The following SLC22A14 variants were observed in gnomAD, a reference collection of about 807,000 sequenced individuals.
SLC22A14 encodes the protein organic cation transporter-like 4.
A neutral mutation model predicts 53.9 loss-of-function variants in SLC22A14; 50 were observed. That is an observed-to-expected ratio of 0.93 (90% CI 0.74 to 1.17). The LOEUF (loss-of-function observed/expected upper bound fraction) is 1.17. Among genes scored for constraint, SLC22A14 ranks in the 50% most tolerant of loss-of-function variants. The pLI is 0.00. For synonymous variants in SLC22A14, 312 were observed against 303.0 expected, an observed-to-expected ratio of 1.03 and a Z score of -0.31; for missense variants, 671 against 734.7, an observed-to-expected ratio of 0.91 and a Z score of 1.00.
At chr3:38,295,335 A>C (rs112104711) in intron 1 of SLC22A14, among the ~76,000 whole-genome samples, 2,686 of 152,320 alleles carry the variant, frequency 0.018, 42 homozygotes, top group African/African-American at 0.06. Context: ...TTGACTTAGA[A>C]TAATTCTGAA....
intron 1 of SLC22A14, among the ~76,000 whole-genome samples, chr3:38,301,441 A>AT (rs1255574525): frequency 6.6e-6 from 1 of 152,190 alleles, no homozygotes; most frequent in East Asian, 1.9e-4. Flanking sequence ...GAGTTTGAAG[A>AT]TTTTTTTCAT....
intron 1 of SLC22A14, among the ~76,000 whole-genome samples, chr3:38,286,555 C>T (rs570581679): frequency 4.0e-5 from 6 of 150,864 alleles, no homozygotes; most frequent in South Asian, 2.1e-4. Context: ...GGATTACAGA[C>T]GTGTGCCACC....
chr3:38,316,830 A>G (rs1438216247), intron 10 of SLC22A14, among the ~76,000 whole-genome samples: 1 of 150,860 alleles, frequency 6.6e-6, no homozygotes, highest in African/African-American at 2.4e-5. Context: ...CTCCAGGGGC[A>G]CTCCTCCCAG....
intron 10 of SLC22A14, among the ~76,000 whole-genome samples, chr3:38,317,607 C>T (rs964747493): frequency 8.5e-5 from 13 of 152,144 alleles, no homozygotes; most frequent in Non-Finnish European, 1.5e-4. Flanking sequence ...GTTCCATGTG[C>T]CGCAACTTCC....
chr3:38,315,438 C>A, intron 8 of SLC22A14, 120 bp from the exon 9 acceptor site: 1 of 1,061,194 alleles, frequency 9.4e-7, no homozygotes, highest in Non-Finnish European at 1.4e-6. Context: ...ACCTGCCACT[C>A]CTCTGACAGA....
intron 2 of SLC22A14, among the ~76,000 whole-genome samples, chr3:38,306,973 G>A (rs1438400580): frequency 6.6e-6 from 1 of 152,274 alleles, no homozygotes; most frequent in East Asian, 1.9e-4. Flanking sequence ...TTTGGGAAAG[G>A]GTCTGCACTG....
intron 1 of SLC22A14, among the ~76,000 whole-genome samples, chr3:38,304,035 C>CA (rs1263171485): frequency 1.3e-5 from 2 of 150,272 alleles, no homozygotes; most frequent in Admixed American, 1.3e-4. Context: ...AAAAAAAATA[C>CA]AAAAAATTAG....
intron 1 of SLC22A14, among the ~76,000 whole-genome samples, chr3:38,290,242 T>G (rs1703882765): frequency 6.6e-6 from 1 of 152,196 alleles, no homozygotes. Flanking sequence ...CTGCTCTAAC[T>G]GCTTCCTGCG....
intron 6 of SLC22A14, 117 bp from the exon 7 acceptor site, chr3:38,313,271 G>A: frequency 2.1e-6 from 3 of 1,416,612 alleles, no homozygotes; most frequent in South Asian, 2.3e-5. Flanking sequence ...ACCCTGCCAG[G>A]GAAGGCCAGA....
chr3:38,306,262 T>G lies in SLC22A14; in HGVS notation c.236T>G (p.Met79Arg), dbSNP rs1704299416. The part of the protein sequence containing the change: ...LVALTFIPSI[M>R]SAFFMFADHF... Reference sequence around the variant, plus strand: ...GCCCTCACCTTTATCCCCAGCATCATGTCGGCCTTCTTCATGTTTGCTGAC... The same window carrying G: ...GCCCTCACCTTTATCCCCAGCATCAGGTCGGCCTTCTTCATGTTTGCTGAC... Residue 79 changes from methionine to arginine, a missense_variant, in exon 2 of 11, where the codon ATG becomes AGG. Transcript: ENST00000448498. The G allele has an allele frequency of 1.2e-6, 2 of 1,614,034 alleles. No homozygotes were observed. Among genetic ancestry groups the G allele is most frequent in the South Asian group, 2.2e-5 (2 of 91,080 alleles).
intron 9 of SLC22A14, 70 bp downstream of exon 9, chr3:38,315,781 G>A: frequency 1.4e-6 from 2 of 1,473,156 alleles, no homozygotes; most frequent in Non-Finnish European, 1.9e-6. Context: ...GATTAATGCA[G>A]CAACTAAGAC....
intron 1 of SLC22A14, among the ~76,000 whole-genome samples, chr3:38,291,642 G>T (rs1250599387): frequency 1.3e-5 from 2 of 152,208 alleles, no homozygotes; most frequent in African/African-American, 2.4e-5. Flanking sequence ...TATGCCACGG[G>T]ATGCAAGCTG....
At chr3:38,301,064 C>T (rs543200456) in intron 1 of SLC22A14, among the ~76,000 whole-genome samples, 2 of 152,082 alleles carry the variant, frequency 1.3e-5, no homozygotes, top group Non-Finnish European at 2.9e-5. Context: ...GGCATTTCTC[C>T]CCCCTCAGCC....
At chr3:38,318,125 A>G in intron 10 of SLC22A14, 73 bp from the exon 11 acceptor site, 2 of 1,415,266 alleles carry the variant, frequency 1.4e-6, no homozygotes, top group Non-Finnish European at 2.0e-6. Context: ...GCGCTGCTGA[A>G]GGCACAAGCC....
chr3:38,280,309 C>T (rs1415433843), upstream of SLC22A14, among the ~76,000 whole-genome samples: 1 of 152,192 alleles, frequency 6.6e-6, no homozygotes, highest in Non-Finnish European at 1.5e-5. Flanking sequence ...CCTATAATTA[C>T]AAGCTTTTCT....
At chr3:38,296,182 TG>T (rs1319517529) in intron 1 of SLC22A14, among the ~76,000 whole-genome samples, 1 of 152,222 alleles carries the variant, frequency 6.6e-6, no homozygotes, top group Non-Finnish European at 1.5e-5. Flanking sequence ...GGCACACGCA[TG>T]GGCGGCTGTT....
intron 1 of SLC22A14, among the ~76,000 whole-genome samples, chr3:38,300,723 T>G (rs536828823): frequency 6.6e-6 from 1 of 152,342 alleles, no homozygotes; most frequent in East Asian, 1.9e-4. Context: ...ATGATTTAAC[T>G]GTAATTACTG....
intron 5 of SLC22A14, 57 bp downstream of exon 5, chr3:38,309,179 T>G (rs1408230971): frequency 6.8e-7 from 1 of 1,464,006 alleles, no homozygotes; most frequent in Non-Finnish European, 9.5e-7. Flanking sequence ...TGGATGTCGA[T>G]GAGTATGGAG....
At chr3:38,310,193 C>T (rs1704429717) in intron 5 of SLC22A14, among the ~76,000 whole-genome samples, 1 of 151,922 alleles carries the variant, frequency 6.6e-6, no homozygotes. Context: ...GCCTGGGCAA[C>T]ATCGCAAGAC....
Sources: allele counts gnomAD v4.1 joint callset (sites outside exome capture counted in the v4.1 genomes callset), GRCh38; gene constraint gnomAD v4.1.1; transcripts MANE v1.5; gene names NCBI Gene and HGNC (gene_info 2026-07-23, HGNC 2026-07-21).